TBC1D2B: variants seen among roughly 807,000 people sequenced by gnomAD.
TBC1D2B encodes the protein TBC1 domain family member 2B.
A neutral mutation model predicts 100.8 loss-of-function variants in TBC1D2B; 64 were observed. The observed-to-expected ratio is 0.64, with a 90% CI of 0.52 to 0.78. The LOEUF (loss-of-function observed/expected upper bound fraction) is 0.78. TBC1D2B is among the 30% of genes least tolerant of loss of function. TBC1D2B has a pLI of 0.00. For missense variants in TBC1D2B, 1,052 were observed against 1,218.4 expected (o/e 0.86, Z 2.03); for synonymous variants, 480 against 479.7 (o/e 1.00, Z -0.01).
rs190832051 is a variant in TBC1D2B, at chr15:78,018,074, T to G, written c.1471-117A>C. On this transcript the variant is annotated intron_variant, in intron 6 of 12. Coordinates refer to ENST00000300584, the MANE Select transcript of TBC1D2B (RefSeq NM_144572.2). Reference sequence around the variant, plus strand: ...ATCAAATAGCCCTGCTAAGTTAGAGTAAGTTCTAAAGAACTAGAAGTTGTT... The same window carrying G: ...ATCAAATAGCCCTGCTAAGTTAGAGGAAGTTCTAAAGAACTAGAAGTTGTT... 5.9e-5 allele frequency: 33 copies of G among 556,920 alleles called. 1 individual carries two copies. The Admixed American group carries it at 1.1e-3, about 19-fold the overall frequency. 34.5% of individuals were successfully genotyped at this position (556,920 alleles called of 1,614,324 possible). A position where few individuals can be genotyped will look rare whatever the true frequency, so the allele number is the denominator to read the frequency against.
Position 77,997,423 on chromosome 15 carries a change from G to A in TBC1D2B, c.*737C>T, listed in dbSNP as rs1378683445. On this transcript the variant is annotated 3_prime_UTR_variant, in exon 13 of 13. Transcript: ENST00000300584. The stretch of plus-strand genomic sequence containing the variant: ...AGCCATGCCTGGCACGGGGCAAGCT[G>A]GGGACAGAGCAGCCCAGTGATCTGC... 6.6e-6 allele frequency: 1 copy of A among 152,298 alleles called. No homozygotes were observed. Among genetic ancestry groups the A allele is most frequent in the Non-Finnish European group, 1.5e-5 (1 of 68,076 alleles). 9.4% of individuals were successfully genotyped at this position (152,298 alleles called of 1,614,324 possible).
At chr15:78,054,715 T>C (rs79757649) in intron 1 of TBC1D2B, among the ~76,000 whole-genome samples, 4,601 of 152,320 alleles carry the variant, frequency 0.03, 254 homozygotes, top group African/African-American at 0.11. Flanking sequence ...GCAGGGCAGC[T>C]AGTACTTTCA....
At chr15:78,053,848 C>T in intron 2 of TBC1D2B, 186 bp downstream of exon 2, 1 of 629,666 alleles carries the variant, frequency 1.6e-6, no homozygotes, top group Non-Finnish European at 2.6e-6. Flanking sequence ...GATTCCAAGG[C>T]TGTCACTGGG....
At chr15:78,070,128 T>C (rs146100021) in intron 1 of TBC1D2B, among the ~76,000 whole-genome samples, 177 of 152,264 alleles carry the variant, frequency 1.2e-3, no homozygotes, top group East Asian at 8.9e-3. Flanking sequence ...AAAGGCTATG[T>C]CCCCTTCACT....
At chr15:78,031,554 C>CAAAA (rs1225713046) in intron 3 of TBC1D2B, among the ~76,000 whole-genome samples, 3,192 of 54,704 alleles carry the variant, frequency 0.058, 535 homozygotes, top group Non-Finnish European at 0.072. Context: ...ACTCTGTCTC[C>CAAAA]AAAAAAAAAA....
intron 3 of TBC1D2B, among the ~76,000 whole-genome samples, chr15:78,032,105 A>G (rs2072830217): frequency 6.6e-6 from 1 of 152,240 alleles, no homozygotes; most frequent in South Asian, 2.1e-4. Context: ...TCAACCGAGT[A>G]CTGATTGTGG....
intron 1 of TBC1D2B, chr15:78,066,026 C>G (rs780220535): frequency 1.7e-5 from 8 of 470,890 alleles, no homozygotes; most frequent in African/African-American, 1.6e-4. Flanking sequence ...AAGTACTTAC[C>G]AGCTCTTTGG....
intron 10 of TBC1D2B, among the ~76,000 whole-genome samples, chr15:78,005,873 T>C (rs1183754467): frequency 1.3e-5 from 2 of 152,218 alleles, no homozygotes; most frequent in Non-Finnish European, 2.9e-5. Flanking sequence ...TATGTGACAA[T>C]GTGATGCAAA....
intron 3 of TBC1D2B, among the ~76,000 whole-genome samples, chr15:78,044,360 A>G (rs1196404878): frequency 6.6e-6 from 1 of 152,200 alleles, no homozygotes; most frequent in African/African-American, 2.4e-5. Context: ...CAAGAGGCTG[A>G]GGCAGGAGGA....
At position 78,077,670 on chromosome 15, in the gene TBC1D2B, C is replaced by T; in HGVS notation, c.-18G>A. The T allele has an allele frequency of 1.0e-6, 1 of 987,618 alleles. No individual in the cohort carries two copies. The highest frequency in any genetic ancestry group is 1.2e-6 in the Non-Finnish European group (1 of 832,260). The allele number at this position is 987,618 out of a possible 1,614,324, so 61.2% of individuals were successfully genotyped here. On this transcript the variant is annotated 5_prime_UTR_variant, in exon 1 of 13. Transcript: ENST00000300584. The stretch of plus-strand genomic sequence containing the variant: ...CCCGGCATCGCTACCGCGCGCCAAC[C>T]GTAGGCGCCCGCGCCCTGCGCCTCC...
chr15:77,998,099 A>G lies in TBC1D2B; in HGVS notation c.*61T>C. 1 of 1,426,292 alleles carries G rather than the reference A, an allele frequency of 7.0e-7. No individual in the cohort carries two copies. The highest frequency in any genetic ancestry group is 9.3e-7 in the Non-Finnish European group (1 of 1,076,050). 88.4% of individuals were successfully genotyped at this position (1,426,292 alleles called of 1,614,324 possible). ...ACGTTACATTCTGGCTTTTAAGTGC[A>G]CTTTCACCCTTTGGGCACACTTTGG... On this transcript the variant is annotated 3_prime_UTR_variant, in exon 13 of 13. Transcript: ENST00000300584.
At chr15:78,066,168 T>C (rs2073652753) in intron 1 of TBC1D2B, 1 of 445,916 alleles carries the variant, frequency 2.2e-6, no homozygotes, top group East Asian at 7.2e-5. Flanking sequence ...GCCACCATGA[T>C]CAGCAAAGGG....
intron 6 of TBC1D2B, among the ~76,000 whole-genome samples, chr15:78,023,891 T>C (rs904452659): frequency 6.6e-6 from 1 of 152,148 alleles, no homozygotes; most frequent in Admixed American, 6.5e-5. Flanking sequence ...GTGGTATATA[T>C]AGAAAGAGAA....
intron 3 of TBC1D2B, among the ~76,000 whole-genome samples, chr15:78,039,937 ACC>A (rs2073036530): frequency 6.6e-6 from 1 of 152,194 alleles, no homozygotes; most frequent in South Asian, 2.1e-4. Context: ...CTAGAGCTGG[ACC>A]CCAGGAGCCA....
At chr15:78,023,407 C>A (rs2072565769) in intron 6 of TBC1D2B, among the ~76,000 whole-genome samples, 2 of 152,180 alleles carry the variant, frequency 1.3e-5, no homozygotes, top group African/African-American at 4.8e-5. Context: ...ATGTTATGAT[C>A]CTCCCTGTGG....
At chr15:78,063,729 A>G (rs1438931405) in intron 1 of TBC1D2B, among the ~76,000 whole-genome samples, 2 of 152,164 alleles carry the variant, frequency 1.3e-5, no homozygotes, top group Non-Finnish European at 2.9e-5. Flanking sequence ...ACACAAGCAA[A>G]TATGGAGAGG....
chr15:78,064,253 C>G (rs553635773), intron 1 of TBC1D2B, among the ~76,000 whole-genome samples: 1 of 152,284 alleles, frequency 6.6e-6, no homozygotes, highest in East Asian at 1.9e-4. Context: ...TCCTCCAACA[C>G]GCTCTATGTG....
At chr15:78,032,976 G>A (rs1014177505) in intron 3 of TBC1D2B, among the ~76,000 whole-genome samples, 6 of 152,172 alleles carry the variant, frequency 3.9e-5, no homozygotes, top group Non-Finnish European at 8.8e-5. Context: ...TAAATCTGAT[G>A]TAAACCATCA....
chr15:78,052,902 G>C (rs1165260656), intron 2 of TBC1D2B, among the ~76,000 whole-genome samples: 1 of 152,160 alleles, frequency 6.6e-6, no homozygotes. Flanking sequence ...GCATAAAGTT[G>C]AAAATAAAGG....
Sources: allele counts gnomAD v4.1 joint callset (sites outside exome capture counted in the v4.1 genomes callset), GRCh38; gene constraint gnomAD v4.1.1; transcripts MANE v1.5; gene names NCBI Gene and HGNC (gene_info 2026-07-23, HGNC 2026-07-21).